LRP1B: variants seen among roughly 807,000 people sequenced by gnomAD.
The protein encoded by LRP1B is LDL receptor related protein 1B.
LRP1B carries 217 observed loss-of-function variants against 556.6 expected under a neutral mutation model. The observed-to-expected ratio is 0.39, with a 90% CI of 0.35 to 0.44. LRP1B has a LOEUF of 0.44. Ranked by LOEUF, LRP1B falls within the 20% of genes least tolerant of loss-of-function variation. LRP1B has a pLI of 1.00. For synonymous variants in LRP1B, 2,047 were observed against 1,865.8 expected, an observed-to-expected ratio of 1.10 and a Z score of -2.50; for missense variants, 5,053 against 5,620.8, an observed-to-expected ratio of 0.90 and a Z score of 3.23.
At chr2:141,135,191 A>C (rs1701461536) in intron 7 of LRP1B, among the ~76,000 whole-genome samples, 1 of 151,968 alleles carries the variant, frequency 6.6e-6, no homozygotes, top group South Asian at 2.1e-4. Flanking sequence ...AATTCTTATT[A>C]ATATTCATTC....
intron 9 of LRP1B, among the ~76,000 whole-genome samples, chr2:141,056,189 T>C (rs1273184081): frequency 1.3e-5 from 2 of 151,874 alleles, no homozygotes; most frequent in Non-Finnish European, 2.9e-5. Context: ...TTTTACTAAT[T>C]TTTTCCTGCC....
intron 2 of LRP1B, among the ~76,000 whole-genome samples, chr2:141,773,014 C>G (rs1694951565): frequency 6.6e-6 from 1 of 152,132 alleles, no homozygotes; most frequent in Non-Finnish European, 1.5e-5. Context: ...TATACAAACT[C>G]TAACTGGGTG....
chr2:141,349,047 T>A (rs774056077), intron 3 of LRP1B, among the ~76,000 whole-genome samples: 35 of 152,030 alleles, frequency 2.3e-4, no homozygotes, highest in Non-Finnish European at 5.0e-4. Flanking sequence ...TTTTCTTGTA[T>A]AAATTACCCA....
intron 1 of LRP1B, among the ~76,000 whole-genome samples, chr2:141,884,536 TA>T (rs1226552103): frequency 1.3e-5 from 2 of 152,228 alleles, no homozygotes; most frequent in Admixed American, 6.5e-5. Flanking sequence ...ATTGTAATTT[TA>T]TTATCCCTTT....
At chr2:140,337,057 T>C (rs1366096852) in intron 77 of LRP1B, among the ~76,000 whole-genome samples, 3 of 151,838 alleles carry the variant, frequency 2.0e-5, no homozygotes, top group Non-Finnish European at 4.4e-5. Flanking sequence ...GAACCAATAT[T>C]ATCAATCAGT....
chr2:142,107,794 ATTTTTTTTTTTTTT>A (rs67962280), intron 1 of LRP1B, among the ~76,000 whole-genome samples: 3 of 110,592 alleles, frequency 2.7e-5, no homozygotes, highest in Admixed American at 1.1e-4. Context: ...CGCCTAGCTA[ATTTTTTTTTTTTTT>A]TTTTTTTTTG....
rs1686671061 is a variant in LRP1B, at chr2:140,702,220, G to A, written c.6223C>T (p.Arg2075Cys). Reference sequence around the variant, plus strand: ...TTGCTTCCTGACAGCACCATCTCGCGATTCCCTCCAGTCTCAAGGTCGATT... The same window carrying A: ...TTGCTTCCTGACAGCACCATCTCGCAATTCCCTCCAGTCTCAAGGTCGATT... ...ERIDLETGGNREMVLSGSNVD... is the reference protein window; with the variant it reads ...ERIDLETGGNCEMVLSGSNVD... Residue 2075 changes from arginine (R) to cysteine (C), a missense_variant, in exon 39 of 91, where the codon CGC (arginine) becomes TGC (cysteine). Transcript: ENST00000389484. 1 of 1,613,676 alleles carries A rather than the reference G, an allele frequency of 6.2e-7. No individual in the cohort carries two copies.
chr2:140,975,066 A>T (rs562960667), intron 18 of LRP1B, among the ~76,000 whole-genome samples: 23 of 152,324 alleles, frequency 1.5e-4, no homozygotes, highest in African/African-American at 4.3e-4. Context: ...AAAAAAATTA[A>T]AAAAAGTGGA....
At position 141,302,648 on chromosome 2, in the gene LRP1B, C is replaced by T. The variant is rs182812222; in HGVS notation, c.344-48007G>A. ...ATTGTATTGAAAATATAGAACAGCC[C>T]TATTGTTACAAGATGGCAGTCTTCT... On this transcript the variant is annotated intron_variant, in intron 3 of 90. Transcript: ENST00000389484. Among the ~76,000 whole-genome samples, 33 of 152,100 alleles carry T rather than the reference C, an allele frequency of 2.2e-4. No individual in the cohort carries two copies. In the East Asian group the frequency reaches 5.8e-3, roughly 27 times the overall value.
intron 35 of LRP1B, among the ~76,000 whole-genome samples, chr2:140,760,970 C>A (rs2104915073): frequency 6.6e-6 from 1 of 152,228 alleles, no homozygotes; most frequent in South Asian, 2.1e-4. Context: ...TTTGTGGAAT[C>A]TTTCCTTACT....
chr2:141,315,919 A>T (rs1687016229), intron 3 of LRP1B, among the ~76,000 whole-genome samples: 2 of 60,936 alleles, frequency 3.3e-5, no homozygotes, highest in Non-Finnish European at 5.9e-5. Context: ...TTTTTTTTTA[A>T]CATCTCTACA....
intron 7 of LRP1B, among the ~76,000 whole-genome samples, chr2:141,140,473 T>G (rs1701620012): frequency 6.6e-6 from 1 of 152,126 alleles, no homozygotes; most frequent in African/African-American, 2.4e-5. Flanking sequence ...AAGACTGTAT[T>G]TGGAGATAGG....
At chr2:141,214,598 C>A (rs547440175) in intron 6 of LRP1B, among the ~76,000 whole-genome samples, 1 of 152,278 alleles carries the variant, frequency 6.6e-6, no homozygotes, top group East Asian at 1.9e-4. Context: ...ATTAATTTAC[C>A]TTTATTTTAA....
chr2:141,172,109 CT>C (rs1310532429), intron 7 of LRP1B, among the ~76,000 whole-genome samples: 7 of 152,078 alleles, frequency 4.6e-5, no homozygotes, highest in African/African-American at 1.4e-4. Flanking sequence ...TTCTAGGTTA[CT>C]TGATATCACA....
At chr2:141,630,168 A>G (rs1260589564) in intron 2 of LRP1B, among the ~76,000 whole-genome samples, 1 of 152,216 alleles carries the variant, frequency 6.6e-6, no homozygotes, top group Non-Finnish European at 1.5e-5. Context: ...CGGATTAAGT[A>G]GTATCTACAG....
intron 2 of LRP1B, among the ~76,000 whole-genome samples, chr2:141,736,849 A>G (rs901542034): frequency 5.3e-5 from 8 of 152,154 alleles, no homozygotes; most frequent in African/African-American, 1.7e-4. Flanking sequence ...TGCAATTATC[A>G]TAAGAAGGGA....
chr2:142,026,179 A>G (rs1346402876), intron 1 of LRP1B, among the ~76,000 whole-genome samples: 1 of 152,136 alleles, frequency 6.6e-6, no homozygotes, highest in Non-Finnish European at 1.5e-5. Context: ...CCTTTAAAAC[A>G]TGGCAACAGC....
chr2:141,199,184 C>T (rs1178295802), intron 6 of LRP1B, among the ~76,000 whole-genome samples: 1 of 152,138 alleles, frequency 6.6e-6, no homozygotes, highest in Admixed American at 6.6e-5. Context: ...TTAAGATTTA[C>T]TGTCCCGCAC....
intron 41 of LRP1B, among the ~76,000 whole-genome samples, chr2:140,684,255 T>G (rs1685969986): frequency 6.6e-6 from 1 of 152,250 alleles, no homozygotes; most frequent in African/African-American, 2.4e-5. Context: ...GTTTCTTTTT[T>G]ACTAATTTTG....
Sources: gnomAD v4.1 joint callset for allele counts (sites outside exome capture counted in the v4.1 genomes callset) on GRCh38, gnomAD v4.1.1 for gene constraint, MANE v1.5 for transcripts, NCBI Gene and HGNC (gene_info 2026-07-23, HGNC 2026-07-21) for gene names.